The following LDLRAD4 variants were observed in gnomAD, a reference collection of about 807,000 sequenced individuals.
LDLRAD4 encodes low density lipoprotein receptor class A domain containing 4, also known as low-density lipoprotein receptor class A domain-containing protein 4.
LDLRAD4 carries 5 observed loss-of-function variants against 17.0 expected under a neutral mutation model. That is an observed-to-expected ratio of 0.29 (90% CI 0.15 to 0.62). The LOEUF is 0.62. Ranked by LOEUF, LDLRAD4 falls within the 20% of genes least tolerant of loss-of-function variation. The pLI, the probability that LDLRAD4 is intolerant of heterozygous loss-of-function variation, is 0.84. For synonymous variants in LDLRAD4, 168 were observed against 171.8 expected, an observed-to-expected ratio of 0.98 and a Z score of 0.17; for missense variants, 340 against 424.7, an observed-to-expected ratio of 0.80 and a Z score of 1.75.
intron 1 of LDLRAD4, among the ~76,000 whole-genome samples, chr18:13,349,128 A>G (rs1316361201): frequency 2.0e-5 from 3 of 152,188 alleles, no homozygotes; most frequent in African/African-American, 7.2e-5. Context: ...CCGGTACCAC[A>G]GTTTGAAATG....
intron 3 of LDLRAD4, among the ~76,000 whole-genome samples, chr18:13,455,894 T>A (rs2092106394): frequency 1.3e-5 from 2 of 152,196 alleles, no homozygotes; most frequent in African/African-American, 4.8e-5. Context: ...AATACAAGCC[T>A]GTTTATTAGT....
At chr18:13,609,988 G>T (rs1367062698) in intron 3 of LDLRAD4, among the ~76,000 whole-genome samples, 1 of 151,824 alleles carries the variant, frequency 6.6e-6, no homozygotes, top group Admixed American at 6.6e-5. Context: ...TCCAAAAAAA[G>T]AAAAAAGAAA....
chr18:13,581,250 C>T (rs1046555579), intron 3 of LDLRAD4, among the ~76,000 whole-genome samples: 6 of 152,150 alleles, frequency 3.9e-5, no homozygotes, highest in Non-Finnish European at 8.8e-5. Flanking sequence ...TGTGTCATGT[C>T]GGCTCTCAAA....
intron 2 of LDLRAD4, among the ~76,000 whole-genome samples, chr18:13,390,390 G>A (rs1025212262): frequency 4.6e-5 from 7 of 152,362 alleles, no homozygotes; most frequent in Admixed American, 3.9e-4. Flanking sequence ...GAACTGGCTG[G>A]TGCCAGTGGC....
chr18:13,220,804 T>C (rs1406161951), intron 1 of LDLRAD4, among the ~76,000 whole-genome samples: 2 of 152,174 alleles, frequency 1.3e-5, no homozygotes, highest in Non-Finnish European at 2.9e-5. Flanking sequence ...CCCTGACTGA[T>C]AGGGAAGCAC....
intron 3 of LDLRAD4, among the ~76,000 whole-genome samples, chr18:13,535,215 A>T (rs2147873735): frequency 6.6e-6 from 1 of 152,296 alleles, no homozygotes; most frequent in Middle Eastern, 3.4e-3. Context: ...TGGCCGGGTT[A>T]TATGTGTTTA....
chr18:13,518,994 G>A lies in LDLRAD4; in HGVS notation c.181+80610G>A, dbSNP rs370051283. ...TCAGCTTTCTTCAGCAGCAGTGTTC[G>A]TTGTGGGAGCCCCGCAGTGGAAATG... On this transcript the variant is annotated intron_variant, in intron 3 of 5. Coordinates refer to ENST00000359446, the Ensembl canonical transcript of LDLRAD4. 2.6e-4 allele frequency among the ~76,000 whole-genome samples: 40 copies of A among 152,274 alleles called. 1 individual carries two copies. Among genetic ancestry groups the A allele is most frequent in the African/African-American group, 9.1e-4 (38 of 41,558 alleles).
intron 1 of LDLRAD4, among the ~76,000 whole-genome samples, chr18:13,384,870 T>C (rs990324880): frequency 1.2e-4 from 19 of 152,374 alleles, no homozygotes; most frequent in African/African-American, 4.6e-4. Context: ...CCATGTTGTC[T>C]TTATGTGTTC....
rs142969811 is a variant in LDLRAD4, at chr18:13,465,935, A to G, written c.181+27551A>G. ...TTATTTTCCTTATCACTAACTATAT[A>G]TTTTACCTGTCTCACTTACTATCTG... is the stretch of plus-strand genomic sequence containing the variant. On this transcript the variant is annotated intron_variant, in intron 3 of 5. Coordinates refer to ENST00000359446, the Ensembl canonical transcript of LDLRAD4. 1.7e-3 allele frequency among the ~76,000 whole-genome samples: 252 copies of G among 152,120 alleles called. 2 individuals carry two copies. The highest frequency in any genetic ancestry group is 6.0e-3 in the African/African-American group (247 of 41,470).
intron 3 of LDLRAD4, among the ~76,000 whole-genome samples, chr18:13,482,322 G>A (rs1294626540): frequency 2.6e-5 from 4 of 152,182 alleles, no homozygotes; most frequent in South Asian, 2.1e-4. Context: ...GGACAGGAGC[G>A]CAGGCAGCTG....
chr18:13,399,749 C>A (rs900825435), intron 2 of LDLRAD4, among the ~76,000 whole-genome samples: 1 of 152,216 alleles, frequency 6.6e-6, no homozygotes, highest in African/African-American at 2.4e-5. Context: ...TGTAAACTCA[C>A]GTGAACATAT....
At chr18:13,586,406 C>CAACAAAAAAAAAAAAAAA (rs2094934469) in intron 3 of LDLRAD4, among the ~76,000 whole-genome samples, 1 of 35,118 alleles carries the variant, frequency 2.8e-5, no homozygotes, top group Non-Finnish European at 4.7e-5. Context: ...GACTCTGTCT[C>CAACAAAAAAAAAAAAAAA]AAAAAAAAAA....
chr18:13,328,440 T>C (rs1393095362), intron 1 of LDLRAD4, among the ~76,000 whole-genome samples: 1 of 152,242 alleles, frequency 6.6e-6, no homozygotes, highest in African/African-American at 2.4e-5. Flanking sequence ...CTTCCCACCC[T>C]TGAAGTGCCT....
intron 3 of LDLRAD4, among the ~76,000 whole-genome samples, chr18:13,554,274 T>A (rs2094462551): frequency 6.6e-6 from 1 of 152,226 alleles, no homozygotes; most frequent in South Asian, 2.1e-4. Context: ...AAAAATATTT[T>A]AAGTTATGGC....
At chr18:13,338,742 G>A (rs1440370933) in intron 1 of LDLRAD4, among the ~76,000 whole-genome samples, 2 of 152,176 alleles carry the variant, frequency 1.3e-5, no homozygotes, top group African/African-American at 4.8e-5. Flanking sequence ...GAACATATGA[G>A]TCCTGTTTAC....
chr18:13,473,413 T>C (rs1448479802), intron 3 of LDLRAD4, among the ~76,000 whole-genome samples: 1 of 152,022 alleles, frequency 6.6e-6, no homozygotes, highest in African/African-American at 2.4e-5. Context: ...CTCATGCCTG[T>C]AATCCCAGCA....
At chr18:13,307,869 C>T (rs2047005061) in intron 1 of LDLRAD4, among the ~76,000 whole-genome samples, 1 of 152,164 alleles carries the variant, frequency 6.6e-6, no homozygotes, top group Admixed American at 6.5e-5. Context: ...TTAGTAGTTA[C>T]ATTTTTGGGA....
chr18:13,432,387 T>C lies in LDLRAD4; in HGVS notation c.41-5857T>C, dbSNP rs544053353. Among the ~76,000 whole-genome samples, 80 of 152,372 alleles carry C rather than the reference T, an allele frequency of 5.3e-4. 1 individual carries two copies. The highest frequency in any genetic ancestry group is 6.5e-4 in the Admixed American group (10 of 15,308). On this transcript the variant is annotated intron_variant, in intron 2 of 5. Transcript: ENST00000359446. ...AAGGCTGATTTAGGAAATTACAAGA[T>C]GGGGAGTCCTTTTCCCTTTTTGATA...
At chr18:13,368,084 A>G (rs1304426224) in intron 1 of LDLRAD4, among the ~76,000 whole-genome samples, 1 of 152,060 alleles carries the variant, frequency 6.6e-6, no homozygotes, top group African/African-American at 2.4e-5. Context: ...GGCTTCTTAG[A>G]CCTGGGTATA....
Sources: gnomAD v4.1 joint callset for allele counts (sites outside exome capture counted in the v4.1 genomes callset) on GRCh38, gnomAD v4.1.1 for gene constraint, MANE v1.5 for transcripts, NCBI Gene and HGNC (gene_info 2026-07-23, HGNC 2026-07-21) for gene names.